Variants in IFFO2 observed in about 807,000 individuals in gnomAD.
IFFO2 encodes the protein intermediate filament family orphan 2.
In IFFO2, 19 loss-of-function variants were observed where a neutral mutation model predicts 53.5. That is an observed-to-expected ratio of 0.36 (90% CI 0.25 to 0.52). IFFO2 has a LOEUF of 0.52. Among genes scored for constraint, IFFO2 ranks in the 20% least tolerant of loss-of-function variants. The pLI is 0.94. For synonymous variants in IFFO2, 303 were observed against 313.6 expected (o/e 0.97, Z 0.36); for missense variants, 570 against 727.4 (o/e 0.78, Z 2.49).
In IFFO2 at chr1:18,919,884, C is replaced by T. The variant is rs1936193311; in HGVS notation, c.727-111G>A. ...GCACCCGATGTCCACCCCAGCTGGG[C>T]ACCTGCAGCCAGGGAAGGGGCACCA... On this transcript the variant is annotated intron_variant, in intron 2 of 8. Transcript: ENST00000455833. The surrounding 1 kb of genome is among the most constrained non-coding windows in gnomAD (Gnocchi z 4.9). 4.4e-6 allele frequency: 3 copies of T among 687,776 alleles called. No individual in the cohort carries two copies. Among genetic ancestry groups the T allele is most frequent in the South Asian group, 3.5e-5 (2 of 56,414 alleles). 42.6% of individuals were successfully genotyped at this position (687,776 alleles called of 1,614,324 possible).
chr1:18,938,214 C>A (rs1936474544), intron 1 of IFFO2, among the ~76,000 whole-genome samples: 2 of 152,364 alleles, frequency 1.3e-5, no homozygotes, highest in African/African-American at 4.8e-5. Context: ...GTTTCCTCAT[C>A]TGTAAAATGG....
Position 18,955,660 on chromosome 1 carries a change from C to A in IFFO2, c.665+8G>T. On this transcript the variant is annotated splice_region_variant and intron_variant, in intron 1 of 8. Transcript: ENST00000455833. ...TCCCAGGGCGGCGGGGGAGGGGCGGCCACTCACCTCCGCTTATACTCGTCG... is the reference window on the plus strand; with the variant it reads ...TCCCAGGGCGGCGGGGGAGGGGCGGACACTCACCTCCGCTTATACTCGTCG... 6.4e-7 allele frequency: 1 copy of A among 1,567,296 alleles called. No individual in the cohort carries two copies. Among genetic ancestry groups the A allele is most frequent in the East Asian group, 2.4e-5 (1 of 41,212 alleles).
intron 1 of IFFO2, among the ~76,000 whole-genome samples, chr1:18,952,571 A>C (rs1936671825): frequency 6.6e-6 from 1 of 152,242 alleles, no homozygotes; most frequent in South Asian, 2.1e-4. Context: ...ATGAACTTCA[A>C]AAAAAATTCT....
In IFFO2 at chr1:18,956,237, GCCGCCGCCGCCCCCGCCAGGGCAGCCC is replaced by G. The variant is rs954164065; in HGVS notation, c.69_95del (p.Cys25_Gly33del). 2.5e-6 allele frequency: 3 copies of G among 1,200,808 alleles called. No individual in the cohort carries two copies. The highest frequency in any genetic ancestry group is 3.2e-6 in the Non-Finnish European group (3 of 938,756). The allele number at this position is 1,200,808 out of a possible 1,614,324, so 74.4% of individuals were successfully genotyped here. On this transcript the variant is annotated inframe_deletion, in exon 1 of 9. Coordinates refer to ENST00000455833, the MANE Select transcript of IFFO2 (RefSeq NM_001136265.2). This position sits in a 1 kb window ranked among gnomAD's most constrained non-coding sequence, Gnocchi z 6.4. ...GCGACGGACCCGGCCCTGCCCCGCC[GCCGCCGCCGCCCCCGCCAGGGCAGCCC>G]CCGCCGCCGCCGCCCGGCGGGCAGC...
chr1:18,913,938 T>C (rs1188986876), intron 5 of IFFO2, among the ~76,000 whole-genome samples: 1 of 147,994 alleles, frequency 6.8e-6, no homozygotes, highest in Non-Finnish European at 1.5e-5. Flanking sequence ...TTCACGCCAT[T>C]CTCCTGCCTC....
chr1:18,904,812 CAGGGCCCTGGGGGG>C lies in IFFO2; in HGVS notation c.*3735_*3748del, dbSNP rs1935923154. On this transcript the variant is annotated 3_prime_UTR_variant, in exon 9 of 9. Transcript: ENST00000455833. ...CCCCCAGCACCCTGATCCCTCCCCC[CAGGGCCCTGGGGGG>C]AACATAGCAAGGACTGCAGCCCAGG... The C allele has an allele frequency of 6.6e-6, 1 of 152,178 alleles. No homozygotes were observed. Among genetic ancestry groups the C allele is most frequent in the South Asian group, 2.1e-4 (1 of 4,834 alleles). The allele number at this position is 152,178 out of a possible 1,614,324, so 9.4% of individuals were successfully genotyped here.
chr1:18,908,497 G>T lies in IFFO2; in HGVS notation c.*64C>A. 8.2e-7 allele frequency: 1 copy of T among 1,226,862 alleles called. No homozygotes were observed. Among genetic ancestry groups the T allele is most frequent in the Non-Finnish European group, 1.2e-6 (1 of 851,848 alleles). The allele number at this position is 1,226,862 out of a possible 1,614,324, so 76.0% of individuals were successfully genotyped here. A position where few individuals can be genotyped will look rare whatever the true frequency, so the allele number is the denominator to read the frequency against. On this transcript the variant is annotated 3_prime_UTR_variant, in exon 9 of 9. Coordinates refer to ENST00000455833, the MANE Select transcript of IFFO2 (RefSeq NM_001136265.2). ...AACCCCACTCCGAGGGGCCTTCCTG[G>T]CCCCATGAGGAGAGGTGGCAGGGCC...
At chr1:18,921,029 C>T (rs1184719501) in intron 2 of IFFO2, 32 bp downstream of exon 2, 1 of 1,547,530 alleles carries the variant, frequency 6.5e-7, no homozygotes, top group East Asian at 2.4e-5. Context: ...TCTGGCGTGC[C>T]TCTCCTGGTC....
intron 1 of IFFO2, among the ~76,000 whole-genome samples, chr1:18,950,935 T>C (rs28616688): frequency 0.8 from 121,833 of 152,164 alleles, 49,629 homozygotes; most frequent in East Asian, 0.96. Context: ...AAAACAGACA[T>C]ACAAAAAGGT....
At chr1:18,923,207 G>A (rs1414989737) in intron 1 of IFFO2, among the ~76,000 whole-genome samples, 3 of 152,334 alleles carry the variant, frequency 2.0e-5, no homozygotes, top group Middle Eastern at 3.4e-3. Flanking sequence ...ATAAAGAATG[G>A]CATGGCTCCT....
In IFFO2 at chr1:18,926,878, C is replaced by G. The variant is rs535475577; in HGVS notation, c.666-5757G>C. On this transcript the variant is annotated intron_variant, in intron 1 of 8. Transcript: ENST00000455833. ...TCCTGTGCAGTCAGAAAAAGAGGCT[C>G]GAGGCTCCCGCTCAGGAGGAAAGTA... is the stretch of plus-strand genomic sequence containing the variant. 3.3e-5 allele frequency among the ~76,000 whole-genome samples: 5 copies of G among 152,198 alleles called. No individual in the cohort carries two copies. The East Asian group carries it at 9.7e-4, about 29-fold the overall frequency.
intron 1 of IFFO2, among the ~76,000 whole-genome samples, chr1:18,942,347 G>A (rs1412516710): frequency 6.6e-6 from 1 of 152,208 alleles, no homozygotes; most frequent in Non-Finnish European, 1.5e-5. Flanking sequence ...CTGACAAATA[G>A]TACTTTGGCA....
chr1:18,912,995 A>T (rs1936063345), intron 5 of IFFO2, among the ~76,000 whole-genome samples: 1 of 152,236 alleles, frequency 6.6e-6, no homozygotes, highest in African/African-American at 2.4e-5. Context: ...GGGAAGGCTG[A>T]GTCTGTAGGA....
Position 18,917,083 on chromosome 1 carries a change from G to C in IFFO2, c.964-41C>G. 1 of 1,548,722 alleles carries C rather than the reference G, an allele frequency of 6.5e-7. No homozygotes were observed. The highest frequency in any genetic ancestry group is 1.7e-4 in the Middle Eastern group (1 of 5,986). ...AGCAATCAAGGTAACTGGGGGGCTCGGCTAGGATGGAAGGTAGGGGTGAAC... is the reference window on the plus strand; with the variant it reads ...AGCAATCAAGGTAACTGGGGGGCTCCGCTAGGATGGAAGGTAGGGGTGAAC... On this transcript the variant is annotated intron_variant, in intron 4 of 8. Transcript: ENST00000455833. The surrounding 1 kb of genome is among the most constrained non-coding windows in gnomAD (Gnocchi z 5.9).
intron 1 of IFFO2, among the ~76,000 whole-genome samples, chr1:18,925,512 C>G (rs536484569): frequency 6.6e-6 from 1 of 152,282 alleles, no homozygotes; most frequent in Admixed American, 6.5e-5. Flanking sequence ...CCACCGCCAC[C>G]GGGGGCTGGC....
chr1:18,923,543 C>T (rs1936243830), intron 1 of IFFO2, among the ~76,000 whole-genome samples: 1 of 152,232 alleles, frequency 6.6e-6, no homozygotes, highest in Non-Finnish European at 1.5e-5. Flanking sequence ...TGGACACACA[C>T]ATCACTGGCT....
chr1:18,953,381 A>G (rs1336840501), intron 1 of IFFO2, among the ~76,000 whole-genome samples: 1 of 152,188 alleles, frequency 6.6e-6, no homozygotes, highest in Non-Finnish European at 1.5e-5. Flanking sequence ...AAAACATACT[A>G]CTAACAAGTT....
At chr1:18,938,758 G>C (rs779341943) in intron 1 of IFFO2, among the ~76,000 whole-genome samples, 10 of 121,756 alleles carry the variant, frequency 8.2e-5, no homozygotes, top group Non-Finnish European at 1.6e-4. Context: ...CCTGCCCAGT[G>C]GGGAGCCCCT....
chr1:18,913,745 G>A (rs997095985), intron 5 of IFFO2, among the ~76,000 whole-genome samples: 5 of 152,370 alleles, frequency 3.3e-5, no homozygotes, highest in East Asian at 1.9e-4. Flanking sequence ...TGGGGTCAGG[G>A]CGGCCCACAC....
Sources: allele counts gnomAD v4.1 joint callset (sites outside exome capture counted in the v4.1 genomes callset), GRCh38; gene constraint gnomAD v4.1.1; non-coding constraint Gnocchi (gnomAD v3.1); transcripts MANE v1.5; gene names NCBI Gene and HGNC (gene_info 2026-07-23, HGNC 2026-07-21).